The following EPHX1 variants were observed in gnomAD, a reference collection of about 807,000 sequenced individuals.
The protein encoded by EPHX1 is epoxide hydrolase 1.
A neutral mutation model predicts 43.2 loss-of-function variants in EPHX1; 40 were observed. The ratio of observed to expected loss-of-function variants is 0.93; its 90% confidence interval spans 0.72 to 1.21. The LOEUF (loss-of-function observed/expected upper bound fraction) is 1.21, where lower values mean the gene tolerates loss of function less well. Among genes scored for constraint, EPHX1 ranks in the 50% most tolerant of loss-of-function variants. The pLI is 0.00. For missense variants in EPHX1, 550 were observed against 570.4 expected (o/e 0.96, Z 0.36); for synonymous variants, 221 against 226.7 (o/e 0.98, Z 0.22).
rs761447028 is a variant in EPHX1, at chr1:225,845,549, G to A, written c.*202G>A. On this transcript the variant is annotated 3_prime_UTR_variant, in exon 9 of 9. Transcript: ENST00000272167. ...AAGCAACATGGCTTTGATGATAAAC[G>A]ACTTTACTCTAAAAGCGGCTGGAAC... The A allele has an allele frequency of 1.1e-5, 7 of 620,564 alleles. No individual in the cohort carries two copies. Among genetic ancestry groups the A allele is most frequent in the Non-Finnish European group, 2.0e-5 (7 of 354,420 alleles). 38.4% of individuals were successfully genotyped at this position (620,564 alleles called of 1,614,324 possible).
At chr1:225,837,188 A>G (rs866620311) in intron 3 of EPHX1, among the ~76,000 whole-genome samples, 1 of 152,204 alleles carries the variant, frequency 6.6e-6, no homozygotes, top group South Asian at 2.1e-4. Context: ...ATTACATGTG[A>G]GTCTTCCCCC....
intron 1 of EPHX1, among the ~76,000 whole-genome samples, chr1:225,813,498 C>T (rs1054046706): frequency 6.6e-6 from 1 of 152,190 alleles, no homozygotes; most frequent in Non-Finnish European, 1.5e-5. Flanking sequence ...AGCTGGTGGG[C>T]GCTCCAGGAA....
chr1:225,845,288 G>A lies in EPHX1; in HGVS notation c.1309G>A (p.Glu437Lys). The A allele has an allele frequency of 6.2e-7, 1 of 1,613,082 alleles. No individual in the cohort carries two copies. Among genetic ancestry groups the A allele is most frequent in the Non-Finnish European group, 8.5e-7 (1 of 1,180,004 alleles). ...TGGGGGCCACTTTGCGGCCTTTGAG[G>A]AGCCGGAGCTGCTCGCCCAGGACAT... ...VRGGHFAAFE[E>K]PELLAQDIRK... The change falls in exon 9 of 9, where the codon GAG (glutamate) becomes AAG (lysine). Residue 437 changes from glutamate (E) to lysine (K), a missense_variant. Coordinates refer to ENST00000272167, the MANE Select transcript of EPHX1 (RefSeq NM_001136018.4).
chr1:225,811,859 G>A lies in EPHX1; in HGVS notation c.-6+1690G>A, dbSNP rs369406995. Reference sequence around the variant, plus strand: ...TCACTGTGGAACTGAGGCACAGCGGGGAGCATGCCCTCGTGGGATTTGCAG... The same window carrying A: ...TCACTGTGGAACTGAGGCACAGCGGAGAGCATGCCCTCGTGGGATTTGCAG... On this transcript the variant is annotated intron_variant, in intron 1 of 8. Coordinates refer to ENST00000272167, the MANE Select transcript of EPHX1 (RefSeq NM_001136018.4). 4.3e-4 allele frequency among the ~76,000 whole-genome samples: 66 copies of A among 152,324 alleles called. No homozygotes were observed. In the South Asian group the frequency reaches 0.01, roughly 24 times the overall value.
chr1:225,811,767 G>A (rs1406960483), intron 1 of EPHX1, among the ~76,000 whole-genome samples: 1 of 152,204 alleles, frequency 6.6e-6, no homozygotes, highest in Non-Finnish European at 1.5e-5. Flanking sequence ...TCTCCAAGCA[G>A]TTTTTCTTTC....
chr1:225,816,042 C>T (rs548951895), intron 1 of EPHX1, among the ~76,000 whole-genome samples: 11 of 152,318 alleles, frequency 7.2e-5, no homozygotes, highest in Admixed American at 2.0e-4. Context: ...CCTGTAATCC[C>T]GGCACTTTGG....
chr1:225,818,126 T>C (rs1179008342), intron 1 of EPHX1, among the ~76,000 whole-genome samples: 2 of 152,216 alleles, frequency 1.3e-5, no homozygotes, highest in Admixed American at 1.3e-4. Context: ...CATCTTATGG[T>C]CTGTCTCTAC....
chr1:225,814,394 CTCTTCT>C (rs1666624298), intron 1 of EPHX1, among the ~76,000 whole-genome samples: 1 of 152,192 alleles, frequency 6.6e-6, no homozygotes, highest in Admixed American at 6.5e-5. Flanking sequence ...GAAAAACTAC[CTCTTCT>C]TAAGATGGTT....
intron 7 of EPHX1, among the ~76,000 whole-genome samples, chr1:225,843,401 G>C (rs1668599633): frequency 6.6e-6 from 1 of 152,196 alleles, no homozygotes; most frequent in Admixed American, 6.5e-5. Context: ...ACTGGGGCCA[G>C]ATCAAAAGCA....
intron 2 of EPHX1, among the ~76,000 whole-genome samples, chr1:225,829,602 G>A (rs1667465811): frequency 1.3e-5 from 2 of 152,162 alleles, no homozygotes; most frequent in African/African-American, 4.8e-5. Flanking sequence ...GTGGGGGACA[G>A]GACGGTAGGC....
chr1:225,841,571 A>G (rs1668417324), intron 6 of EPHX1, among the ~76,000 whole-genome samples: 2 of 143,044 alleles, frequency 1.4e-5, no homozygotes, highest in African/African-American at 2.6e-5. Flanking sequence ...GGTGTGAGCC[A>G]CCGCACCCAG....
Position 225,845,209 on chromosome 1 carries a change from A to G in EPHX1, c.1230A>G (p.Glu410=), listed in dbSNP as rs1668854099. Residue 410 remains glutamate (E), a synonymous_variant, in exon 9 of 9, where the codon GAA becomes GAG. Coordinates refer to ENST00000272167, the MANE Select transcript of EPHX1 (RefSeq NM_001136018.4). ...CTTTTGAGCTATTGCACACGCCTGA[A>G]AAGTGGGTGAGGTTCAAGTACCCAA... is the stretch of plus-strand genomic sequence containing the variant. The part of the protein sequence containing the change: ...AFPFELLHTP[E]KWVRFKYPKL... 1.2e-6 allele frequency: 2 copies of G among 1,614,146 alleles called. No individual in the cohort carries two copies. The highest frequency in any genetic ancestry group is 4.5e-5 in the East Asian group (2 of 44,866).
intron 2 of EPHX1, 83 bp downstream of exon 2, chr1:225,828,995 G>C (rs766207851): frequency 6.9e-7 from 1 of 1,455,258 alleles, no homozygotes; most frequent in Non-Finnish European, 9.4e-7. Flanking sequence ...GGCCAGATGC[G>C]GGAGGGGACG....
chr1:225,835,883 G>A lies in EPHX1; in HGVS notation c.365-2771G>A, dbSNP rs186266368. ...ATTTATGGTACAAAACCTCCCTCAGGTACAACGGCTCCAAAAGAGCCAGTT... is the reference window on the plus strand; with the variant it reads ...ATTTATGGTACAAAACCTCCCTCAGATACAACGGCTCCAAAAGAGCCAGTT... On this transcript the variant is annotated intron_variant, in intron 3 of 8. Coordinates refer to ENST00000272167, the MANE Select transcript of EPHX1 (RefSeq NM_001136018.4). Among the ~76,000 whole-genome samples the A allele has an allele frequency of 1.6e-3, 241 of 151,982 alleles. 2 individuals are homozygous for A. The Middle Eastern group carries it at 0.041, about 26-fold the overall frequency.
rs187825950 is a variant in EPHX1 at position 225,817,944 on chromosome 1, G to A, written c.-6+7775G>A. 8.5e-5 allele frequency among the ~76,000 whole-genome samples: 13 copies of A among 152,278 alleles called. No homozygotes were observed. In the East Asian group the frequency reaches 2.5e-3, roughly 29 times the overall value. On this transcript the variant is annotated intron_variant, in intron 1 of 8. Transcript: ENST00000272167. This position sits in a 1 kb window ranked among gnomAD's most constrained non-coding sequence, Gnocchi z 5.7. Reference sequence around the variant, plus strand: ...TTGGGTTGGGGGAGGGGAGTCTTTGGGCAGGCGGTAGACCTGCCCTTTACT... The same window carrying A: ...TTGGGTTGGGGGAGGGGAGTCTTTGAGCAGGCGGTAGACCTGCCCTTTACT...
Position 225,839,266 on chromosome 1 carries a change from G to A in EPHX1, c.642G>A (p.Arg214=). 1 of 1,614,160 alleles carries A rather than the reference G, an allele frequency of 6.2e-7. No individual in the cohort carries two copies. Among genetic ancestry groups the A allele is most frequent in the Non-Finnish European group, 8.5e-7 (1 of 1,180,026 alleles). The change falls in exon 5 of 9, where the codon CGG becomes CGA. Residue 214 remains arginine (R), a synonymous_variant. Transcript: ENST00000272167. ...GGATCTTTTACAAGCTGATGCTGCG[G>A]CTGGGCTTCCAGGAATTCTACATTC... ...TARIFYKLML[R]LGFQEFYIQG... is the part of the protein sequence containing the mutation.
chr1:225,829,445 C>T (rs1164660744), intron 2 of EPHX1, among the ~76,000 whole-genome samples: 5 of 152,290 alleles, frequency 3.3e-5, no homozygotes, highest in African/African-American at 4.8e-5. Context: ...TCGTTCAAGG[C>T]GGCCTAGCTA....
At chr1:225,828,951 AG>A (rs1320696490) in intron 2 of EPHX1, 39 bp downstream of exon 2, 1 of 1,550,916 alleles carries the variant, frequency 6.4e-7, no homozygotes, top group Admixed American at 2.0e-5. Flanking sequence ...GGCAGTGGAG[AG>A]GGTGGTGTGT....
In EPHX1 at chr1:225,815,682, A is replaced by G. The variant is rs577816076; in HGVS notation, c.-6+5513A>G. Among the ~76,000 whole-genome samples the G allele has an allele frequency of 3.1e-3, 474 of 152,134 alleles. 2 individuals carry two copies. Among genetic ancestry groups the G allele is most frequent in the African/African-American group, 0.011 (457 of 41,502 alleles). ...CATTGCCACAAACAAACTAACCTTC[A>G]CCACGACCAAACAACCCAGAACTCG... On this transcript the variant is annotated intron_variant, in intron 1 of 8. Coordinates refer to ENST00000272167, the MANE Select transcript of EPHX1 (RefSeq NM_001136018.4).
Sources: allele counts gnomAD v4.1 joint callset (sites outside exome capture counted in the v4.1 genomes callset), GRCh38; gene constraint gnomAD v4.1.1; non-coding constraint Gnocchi (gnomAD v3.1); transcripts MANE v1.5; gene names NCBI Gene and HGNC (gene_info 2026-07-23, HGNC 2026-07-21).